The following CNTNAP2 variants were observed in gnomAD, a reference collection of about 807,000 sequenced individuals.
CNTNAP2 encodes contactin-associated protein-like 2.
A neutral mutation model predicts 155.2 loss-of-function variants in CNTNAP2; 98 were observed. The observed-to-expected ratio is 0.63, with a 90% CI of 0.54 to 0.75. The LOEUF is 0.75. Ranked by LOEUF, CNTNAP2 falls within the 30% of genes least tolerant of loss-of-function variation. The pLI is 0.00. For synonymous variants in CNTNAP2, 651 were observed against 631.2 expected, an observed-to-expected ratio of 1.03 and a Z score of -0.47; for missense variants, 1,727 against 1,688.1, an observed-to-expected ratio of 1.02 and a Z score of -0.40.
chr7:147,254,973 C>A (rs1209648371), intron 8 of CNTNAP2, among the ~76,000 whole-genome samples: 1 of 152,128 alleles, frequency 6.6e-6, no homozygotes, highest in Non-Finnish European at 1.5e-5. Flanking sequence ...GCCTTTATTT[C>A]TAAGTTATAA....
intron 1 of CNTNAP2, among the ~76,000 whole-genome samples, chr7:146,380,524 T>C (rs962922892): frequency 6.6e-6 from 1 of 152,158 alleles, no homozygotes; most frequent in African/African-American, 2.4e-5. Flanking sequence ...AAAGATGTTT[T>C]GAAGATCTTG....
At chr7:147,155,539 A>G (rs1801908139) in intron 8 of CNTNAP2, among the ~76,000 whole-genome samples, 1 of 152,158 alleles carries the variant, frequency 6.6e-6, no homozygotes, top group Non-Finnish European at 1.5e-5. Context: ...GTTGGCAGGG[A>G]TGTAATTAAC....
At chr7:147,584,869 C>T (rs1440147411) in intron 12 of CNTNAP2, among the ~76,000 whole-genome samples, 2 of 152,144 alleles carry the variant, frequency 1.3e-5, no homozygotes, top group African/African-American at 4.8e-5. Context: ...ACAAAAACTC[C>T]CTATCCTCAG....
intron 17 of CNTNAP2, among the ~76,000 whole-genome samples, chr7:148,149,994 TA>T (rs1805265438): frequency 2.0e-5 from 3 of 149,284 alleles, no homozygotes; most frequent in African/African-American, 4.9e-5. Flanking sequence ...CCTGTCACCT[TA>T]AAGGGAGGCA....
intron 1 of CNTNAP2, among the ~76,000 whole-genome samples, chr7:146,632,813 A>T (rs1239838691): frequency 6.6e-6 from 1 of 152,040 alleles, no homozygotes; most frequent in African/African-American, 2.4e-5. Context: ...CAAAAATCAC[A>T]TTAGAATTTA....
At chr7:147,088,011 A>T (rs544738660) in intron 4 of CNTNAP2, among the ~76,000 whole-genome samples, 1 of 152,270 alleles carries the variant, frequency 6.6e-6, no homozygotes, top group East Asian at 1.9e-4. Context: ...GCCATCAAGC[A>T]GACATGGTCA....
Position 146,636,617 on chromosome 7 carries a change from G to A in CNTNAP2, c.98-137654G>A, listed in dbSNP as rs117350654. Among the ~76,000 whole-genome samples, 313 of 152,288 alleles carry A rather than the reference G, an allele frequency of 2.1e-3. 8 individuals are homozygous for A. The East Asian group carries it at 0.041, about 20-fold the overall frequency. ...CTAATTACCTTCTCATAATTGTCCA[G>A]TATGCAACTGAGAAGGTCAACCACT... On this transcript the variant is annotated intron_variant, in intron 1 of 23. Transcript: ENST00000361727.
chr7:147,830,120 G>T (rs886386859), intron 13 of CNTNAP2, among the ~76,000 whole-genome samples: 1 of 151,542 alleles, frequency 6.6e-6, no homozygotes, highest in South Asian at 2.1e-4. Context: ...GAGATTGTGA[G>T]TGGCTTGGAG....
At chr7:147,502,717 ATGTGTGTGTG>A (rs60449695) in intron 11 of CNTNAP2, among the ~76,000 whole-genome samples, 2 of 147,754 alleles carry the variant, frequency 1.4e-5, no homozygotes, top group African/African-American at 2.5e-5. Flanking sequence ...TCATTTCACA[ATGTGTGTGTG>A]TGTGTGTGTG....
chr7:146,444,661 C>CT (rs772101193), intron 1 of CNTNAP2, among the ~76,000 whole-genome samples: 5,783 of 142,196 alleles, frequency 0.041, 225 homozygotes, highest in African/African-American at 0.1. Context: ...TCCTCTCTCT[C>CT]TTTTTTTTTT....
intron 1 of CNTNAP2, among the ~76,000 whole-genome samples, chr7:146,419,282 G>A (rs66785922): frequency 6.6e-6 from 1 of 151,748 alleles, no homozygotes; most frequent in Non-Finnish European, 1.5e-5. Flanking sequence ...AACAGTATGG[G>A]GGAAACTGCC....
chr7:146,238,007 G>A (rs1429855024), intron 1 of CNTNAP2, among the ~76,000 whole-genome samples: 3 of 152,118 alleles, frequency 2.0e-5, no homozygotes, highest in Admixed American at 2.0e-4. Flanking sequence ...CCAAAAGCAA[G>A]CTTATGTATA....
intron 8 of CNTNAP2, among the ~76,000 whole-genome samples, chr7:147,284,129 A>G (rs763174839): frequency 4.6e-5 from 7 of 151,766 alleles, no homozygotes; most frequent in Non-Finnish European, 7.4e-5. Flanking sequence ...CTTCAATTAT[A>G]TAAGTATTTA....
chr7:146,641,338 A>G (rs1009473732), intron 1 of CNTNAP2, among the ~76,000 whole-genome samples: 52 of 152,240 alleles, frequency 3.4e-4, no homozygotes, highest in Non-Finnish European at 1.8e-4. Flanking sequence ...AAAAATAAAT[A>G]AAAATACATA....
intron 3 of CNTNAP2, among the ~76,000 whole-genome samples, chr7:146,993,634 G>C (rs907190019): frequency 6.6e-6 from 1 of 151,996 alleles, no homozygotes; most frequent in African/African-American, 2.4e-5. Flanking sequence ...CTCCTGCCCC[G>C]CTCAAGCCTT....
At chr7:147,830,424 C>T (rs141780559) in intron 13 of CNTNAP2, among the ~76,000 whole-genome samples, 2 of 152,066 alleles carry the variant, frequency 1.3e-5, no homozygotes, top group African/African-American at 4.8e-5. Context: ...TACTTCCCCC[C>T]CAAAAGGCCC....
intron 1 of CNTNAP2, among the ~76,000 whole-genome samples, chr7:146,610,350 G>A (rs1243223347): frequency 6.6e-6 from 1 of 152,112 alleles, no homozygotes; most frequent in African/African-American, 2.4e-5. Context: ...CAGGAAAAAG[G>A]TGCACATTTG....
chr7:146,284,714 T>C (rs1054893083), intron 1 of CNTNAP2, among the ~76,000 whole-genome samples: 2 of 152,190 alleles, frequency 1.3e-5, no homozygotes, highest in Non-Finnish European at 2.9e-5. Context: ...TTCGATGAGA[T>C]TAACCTTCTT....
At chr7:146,508,486 C>G (rs1229964929) in intron 1 of CNTNAP2, among the ~76,000 whole-genome samples, 1 of 152,202 alleles carries the variant, frequency 6.6e-6, no homozygotes, top group Non-Finnish European at 1.5e-5. Flanking sequence ...GCAACCTTGC[C>G]TGGAAACTTA....
Sources: allele counts gnomAD v4.1 joint callset (sites outside exome capture counted in the v4.1 genomes callset), GRCh38; gene constraint gnomAD v4.1.1; transcripts MANE v1.5; gene names NCBI Gene and HGNC (gene_info 2026-07-23, HGNC 2026-07-21).